The following GRIN2B variants were observed in gnomAD, a reference collection of about 807,000 sequenced individuals.
GRIN2B encodes glutamate ionotropic receptor NMDA type subunit 2B, also known as glutamate receptor ionotropic, NMDA 2B.
Under a neutral mutation model 114.5 loss-of-function variants are expected in GRIN2B, and 5 were observed. The ratio of observed to expected loss-of-function variants is 0.04; its 90% CI spans 0.02 to 0.09. The LOEUF (loss-of-function observed/expected upper bound fraction) is 0.09, where lower values mean the gene tolerates loss of function less well. GRIN2B is among the 10% of genes least tolerant of loss of function. The pLI is 1.00. For synonymous variants in GRIN2B, 787 were observed against 745.1 expected, an observed-to-expected ratio of 1.06 and a Z score of -0.92; for missense variants, 1,108 against 1,943.5, an observed-to-expected ratio of 0.57 and a Z score of 8.08.
chr12:13,976,792 G>A (rs1488954305), intron 2 of GRIN2B, among the ~76,000 whole-genome samples: 1 of 151,840 alleles, frequency 6.6e-6, no homozygotes, highest in East Asian at 1.9e-4. Flanking sequence ...AAAAAATCCT[G>A]CCCCCAGGGT....
rs1948399841 is a variant in GRIN2B, at chr12:13,550,722, T to G, written c.*12061A>C. The stretch of plus-strand genomic sequence containing the variant: ...GTCCAGCTATGTACAGCAGGCCCCA[T>G]CCTAGTCATTAAAATGCAGTGGGAT... On this transcript the variant is annotated 3_prime_UTR_variant, in exon 14 of 14. Transcript: ENST00000609686. 1 of 152,090 alleles carries G rather than the reference T, an allele frequency of 6.6e-6. No individual in the cohort carries two copies. The highest frequency in any genetic ancestry group is 6.6e-5 in the Admixed American group (1 of 15,258). 9.4% of individuals were successfully genotyped at this position (152,090 alleles called of 1,614,324 possible).
Position 13,561,985 on chromosome 12 carries a change from G to C in GRIN2B, c.*798C>G, listed in dbSNP as rs201618637. 6.6e-6 allele frequency: 1 copy of C among 152,636 alleles called. No individual in the cohort carries two copies. Among genetic ancestry groups the C allele is most frequent in the African/African-American group, 2.4e-5 (1 of 41,456 alleles). 9.5% of individuals were successfully genotyped at this position (152,636 alleles called of 1,614,324 possible). ...GGGATATTGAAAGAAACAATAGAAA[G>C]AGTCAAGGTTGCCTTCTCTTGAGGC... On this transcript the variant is annotated 3_prime_UTR_variant, in exon 14 of 14. Coordinates refer to ENST00000609686, the MANE Select transcript of GRIN2B (RefSeq NM_000834.5).
intron 2 of GRIN2B, among the ~76,000 whole-genome samples, chr12:13,934,668 G>A (rs557547501): frequency 4.9e-5 from 7 of 144,060 alleles, no homozygotes; most frequent in African/African-American, 1.8e-4. Flanking sequence ...AGGGCATCTG[G>A]CCATCACGTA....
chr12:13,560,185 C>A lies in GRIN2B; in HGVS notation c.*2598G>T, dbSNP rs139914188. 4.1e-4 allele frequency: 62 copies of A among 152,254 alleles called. No homozygotes were observed. The highest frequency in any genetic ancestry group is 1.4e-3 in the African/African-American group (59 of 41,538). The allele number at this position is 152,254 out of a possible 1,614,324, so 9.4% of individuals were successfully genotyped here. On this transcript the variant is annotated 3_prime_UTR_variant, in exon 14 of 14. Transcript: ENST00000609686. ...GGGGGGGATGGACACAATTACTTTC[C>A]CCTGGCTTTTTCACCATAGTGGCCT...
chr12:13,876,861 T>C (rs1194207488), intron 2 of GRIN2B, among the ~76,000 whole-genome samples: 2 of 152,206 alleles, frequency 1.3e-5, no homozygotes, highest in Non-Finnish European at 2.9e-5. Flanking sequence ...GGCATAATGG[T>C]AGGTGCACAA....
intron 4 of GRIN2B, among the ~76,000 whole-genome samples, chr12:13,729,739 C>T (rs1863050799): frequency 6.9e-6 from 1 of 145,600 alleles, no homozygotes; most frequent in African/African-American, 2.6e-5. Flanking sequence ...ATTTTGCTGC[C>T]GAAAGGAAAT....
intron 4 of GRIN2B, among the ~76,000 whole-genome samples, chr12:13,745,640 A>G (rs754198974): frequency 1.7e-4 from 26 of 152,210 alleles, no homozygotes; most frequent in Non-Finnish European, 3.5e-4. Context: ...CCATCCTACC[A>G]TCTATTCATT....
chr12:13,835,292 T>C (rs761640495), intron 3 of GRIN2B, among the ~76,000 whole-genome samples: 4 of 152,164 alleles, frequency 2.6e-5, no homozygotes, highest in Non-Finnish European at 4.4e-5. Context: ...TTTCCTGGGA[T>C]CCTAAAATGA....
chr12:13,862,683 A>AC (rs1413489790), intron 3 of GRIN2B, among the ~76,000 whole-genome samples: 1 of 152,174 alleles, frequency 6.6e-6, no homozygotes, highest in East Asian at 1.9e-4. Context: ...ACAAAACAAA[A>AC]AAAAAACCTG....
At chr12:13,664,874 C>G (rs1247971732) in intron 5 of GRIN2B, among the ~76,000 whole-genome samples, 1 of 152,134 alleles carries the variant, frequency 6.6e-6, no homozygotes, top group Non-Finnish European at 1.5e-5. Flanking sequence ...TTAAATTCCC[C>G]TCAGTGTTTT....
At chr12:13,886,650 A>G (rs570512078) in intron 2 of GRIN2B, among the ~76,000 whole-genome samples, 1 of 152,268 alleles carries the variant, frequency 6.6e-6, no homozygotes, top group South Asian at 2.1e-4. Context: ...AGACAAGGAG[A>G]GCAGCTGCCT....
intron 3 of GRIN2B, among the ~76,000 whole-genome samples, chr12:13,795,529 A>C (rs1318450315): frequency 6.6e-6 from 1 of 152,220 alleles, no homozygotes; most frequent in African/African-American, 2.4e-5. Flanking sequence ...TGTTGTAAGA[A>C]TTCAACTAGC....
intron 5 of GRIN2B, among the ~76,000 whole-genome samples, chr12:13,635,430 T>C (rs945489322): frequency 2.0e-5 from 3 of 152,148 alleles, no homozygotes; most frequent in South Asian, 2.1e-4. Context: ...CCAGACACCA[T>C]GTTACTAGTT....
chr12:13,806,677 C>T (rs1287703020), intron 3 of GRIN2B, among the ~76,000 whole-genome samples: 1 of 152,048 alleles, frequency 6.6e-6, no homozygotes, highest in Admixed American at 6.6e-5. Context: ...TTTGTCTCTT[C>T]ACTCTGTTGC....
At chr12:13,701,481 A>G (rs1193531671) in intron 4 of GRIN2B, among the ~76,000 whole-genome samples, 3 of 148,786 alleles carry the variant, frequency 2.0e-5, no homozygotes, top group Non-Finnish European at 4.4e-5. Context: ...CCAAGCAACT[A>G]TTATGTGTGA....
At chr12:13,627,672 A>G (rs1456816879) in intron 5 of GRIN2B, among the ~76,000 whole-genome samples, 1 of 152,238 alleles carries the variant, frequency 6.6e-6, no homozygotes, top group African/African-American at 2.4e-5. Context: ...GGGTTCAGGC[A>G]GGGCCAATCG....
At chr12:13,789,221 A>G (rs1864275079) in intron 3 of GRIN2B, among the ~76,000 whole-genome samples, 2 of 152,244 alleles carry the variant, frequency 1.3e-5, no homozygotes, top group Admixed American at 1.3e-4. Flanking sequence ...TCCATGCCAG[A>G]GTATCAGAAT....
chr12:13,874,240 C>G (rs1865959575), intron 2 of GRIN2B, among the ~76,000 whole-genome samples: 1 of 152,238 alleles, frequency 6.6e-6, no homozygotes, highest in Non-Finnish European at 1.5e-5. Flanking sequence ...CCTTCTTGTC[C>G]TTACAGCACT....
intron 3 of GRIN2B, among the ~76,000 whole-genome samples, chr12:13,852,926 G>A (rs749128420): frequency 2.6e-5 from 4 of 152,026 alleles, no homozygotes; most frequent in Non-Finnish European, 5.9e-5. Context: ...AGCCAACTCC[G>A]GAGCACCTCC....
Sources: gnomAD v4.1 joint callset for allele counts (sites outside exome capture counted in the v4.1 genomes callset) on GRCh38, gnomAD v4.1.1 for gene constraint, MANE v1.5 for transcripts, NCBI Gene and HGNC (gene_info 2026-07-23, HGNC 2026-07-21) for gene names.